RASAL2: variants seen among roughly 807,000 people sequenced by gnomAD.
RASAL2 encodes ras GTPase-activating protein nGAP.
In RASAL2, 58 loss-of-function variants were observed where a neutral mutation model predicts 128.9. That is an observed-to-expected ratio of 0.45 (90% confidence interval 0.36 to 0.56). The LOEUF (loss-of-function observed/expected upper bound fraction) is 0.56, where lower values mean the gene tolerates loss of function less well. RASAL2 is among the 20% of genes least tolerant of loss of function. The probability of loss-of-function intolerance (pLI) is 0.00; values close to 1 mark genes in which losing one functional copy is unlikely to be tolerated. For synonymous variants in RASAL2, 561 were observed against 580.8 expected, an observed-to-expected ratio of 0.97 and a Z score of 0.49; for missense variants, 1,360 against 1,601.6, an observed-to-expected ratio of 0.85 and a Z score of 2.57.
Position 178,094,404 on chromosome 1 carries a change from C to G in RASAL2, c.-89C>G. On this transcript the variant is annotated 5_prime_UTR_variant, in exon 1 of 18. Transcript: ENST00000367649. ...GGTCCCTGCCCTCGCTGCGCGCTCT[C>G]CTCCTCCCCTTACCGCAGGCAGGGC... The G allele has an allele frequency of 7.8e-7, 1 of 1,275,840 alleles. No homozygotes were observed. Among genetic ancestry groups the G allele is most frequent in the Non-Finnish European group, 1.1e-6 (1 of 950,894 alleles). 79.0% of individuals were successfully genotyped at this position (1,275,840 alleles called of 1,614,324 possible).
At chr1:178,319,801 G>A (rs371067440) in intron 3 of RASAL2, among the ~76,000 whole-genome samples, 2 of 152,186 alleles carry the variant, frequency 1.3e-5, no homozygotes, top group African/African-American at 2.4e-5. Flanking sequence ...GCTCGTCAAA[G>A]TCATTCTCCA....
At chr1:178,454,215 A>AT (rs1491419904) in intron 11 of RASAL2, among the ~76,000 whole-genome samples, 3 of 148,352 alleles carry the variant, frequency 2.0e-5, no homozygotes, top group African/African-American at 7.7e-5. Context: ...AAAAAAAAAA[A>AT]GGAGTTTTGG....
intron 2 of RASAL2, among the ~76,000 whole-genome samples, chr1:178,293,980 AC>A (rs1313270044): frequency 6.6e-6 from 1 of 152,158 alleles, no homozygotes; most frequent in African/African-American, 2.4e-5. Context: ...AAGAGGGAAA[AC>A]ATTTCAGGAA....
chr1:178,189,108 C>A (rs1018671343), intron 1 of RASAL2, among the ~76,000 whole-genome samples: 1 of 152,118 alleles, frequency 6.6e-6, no homozygotes, highest in African/African-American at 2.4e-5. Context: ...TCATTATCAA[C>A]CATGAGTTAC....
intron 1 of RASAL2, among the ~76,000 whole-genome samples, chr1:178,238,278 T>C (rs1012732683): frequency 1.3e-5 from 2 of 152,212 alleles, no homozygotes; most frequent in African/African-American, 4.8e-5. Context: ...GACTTTCTAT[T>C]GTATGGATAT....
intron 1 of RASAL2, among the ~76,000 whole-genome samples, chr1:178,168,296 C>T (rs934019240): frequency 1.3e-5 from 2 of 150,684 alleles, no homozygotes; most frequent in African/African-American, 2.4e-5. Context: ...AACTGTAGAC[C>T]AGAAAATATA....
At chr1:178,186,956 T>C (rs1662324960) in intron 1 of RASAL2, among the ~76,000 whole-genome samples, 1 of 151,804 alleles carries the variant, frequency 6.6e-6, no homozygotes, top group Non-Finnish European at 1.5e-5. Flanking sequence ...TCTGAGTAGT[T>C]AGGACTACAA....
intron 2 of RASAL2, among the ~76,000 whole-genome samples, chr1:178,299,574 T>C (rs1244232377): frequency 6.6e-6 from 1 of 151,486 alleles, no homozygotes; most frequent in Non-Finnish European, 1.5e-5. Context: ...CTCGGCTCAC[T>C]GCAACCTCTG....
At chr1:178,255,606 C>T (rs12037429) in intron 1 of RASAL2, among the ~76,000 whole-genome samples, 13,220 of 151,912 alleles carry the variant, frequency 0.087, 614 homozygotes, top group Middle Eastern at 0.14. Context: ...TTCTATATCC[C>T]ACTGCAATTA....
chr1:178,450,827 C>T (rs1050401749), intron 9 of RASAL2, among the ~76,000 whole-genome samples: 4 of 152,130 alleles, frequency 2.6e-5, no homozygotes, highest in Admixed American at 1.3e-4. Flanking sequence ...TACCTAACCT[C>T]TGAAGGTATT....
At chr1:178,445,401 A>G in intron 8 of RASAL2, 117 bp from the exon 9 acceptor site, 5 of 1,200,864 alleles carry the variant, frequency 4.2e-6, no homozygotes, top group Non-Finnish European at 5.8e-6. Flanking sequence ...TTTCAGATGA[A>G]TCTGATAGCT....
intron 3 of RASAL2, among the ~76,000 whole-genome samples, chr1:178,364,903 T>G (rs1419259963): frequency 6.6e-6 from 1 of 152,158 alleles, no homozygotes; most frequent in Non-Finnish European, 1.5e-5. Flanking sequence ...TGTCACTGTA[T>G]TTACTTTTTT....
chr1:178,103,540 G>A (rs920956462), intron 1 of RASAL2, among the ~76,000 whole-genome samples: 4 of 152,070 alleles, frequency 2.6e-5, no homozygotes, highest in African/African-American at 7.2e-5. Flanking sequence ...TTTTGGATCA[G>A]ACAATCTGAA....
At chr1:178,295,277 T>C (rs1468013014) in intron 2 of RASAL2, among the ~76,000 whole-genome samples, 1 of 150,808 alleles carries the variant, frequency 6.6e-6, no homozygotes, top group Admixed American at 6.6e-5. Context: ...CCAGGGTACA[T>C]GTGCAGAATG....
At chr1:178,140,022 A>C in intron 1 of RASAL2, among the ~76,000 whole-genome samples, 1 of 152,114 alleles carries the variant, frequency 6.6e-6, no homozygotes, top group East Asian at 1.9e-4. Flanking sequence ...TTGTCACCTT[A>C]TTGGTAAATG....
At chr1:178,439,993 CCA>C (rs1676521174) in intron 6 of RASAL2, among the ~76,000 whole-genome samples, 1 of 149,912 alleles carries the variant, frequency 6.7e-6, no homozygotes, top group Non-Finnish European at 1.5e-5. Context: ...ATCCATCCAT[CCA>C]TCCATCCATC....
At chr1:178,199,888 C>A (rs955093730) in intron 1 of RASAL2, among the ~76,000 whole-genome samples, 1 of 152,090 alleles carries the variant, frequency 6.6e-6, no homozygotes, top group Non-Finnish European at 1.5e-5. Flanking sequence ...CAGCTGCCAG[C>A]GTGGCCAGAA....
At chr1:178,396,451 T>C (rs1405449460) in intron 4 of RASAL2, among the ~76,000 whole-genome samples, 2 of 152,178 alleles carry the variant, frequency 1.3e-5, no homozygotes, top group Non-Finnish European at 2.9e-5. Flanking sequence ...AGCATGTAAT[T>C]AGCTACTAAG....
chr1:178,320,766 G>A (rs564679028), intron 3 of RASAL2, among the ~76,000 whole-genome samples: 3 of 152,312 alleles, frequency 2.0e-5, no homozygotes, highest in South Asian at 2.1e-4. Context: ...CCTCGCTCAC[G>A]CTGGGAGCTG....
Sources: gnomAD v4.1 joint callset for allele counts (sites outside exome capture counted in the v4.1 genomes callset) on GRCh38, gnomAD v4.1.1 for gene constraint, MANE v1.5 for transcripts, NCBI Gene and HGNC (gene_info 2026-07-23, HGNC 2026-07-21) for gene names.